Variants in NSD1 observed in about 807,000 individuals in gnomAD.
NSD1 encodes nuclear receptor binding SET domain protein 1, also known as histone-lysine N-methyltransferase, H3 lysine-36 specific.
NSD1 carries 26 observed loss-of-function variants against 242.7 expected under a neutral mutation model. The ratio of observed to expected loss-of-function variants is 0.11; its 90% CI spans 0.08 to 0.15. NSD1 has a LOEUF of 0.15. Among genes scored for constraint, NSD1 ranks in the 10% least tolerant of loss-of-function variants. The pLI is 1.00. For synonymous variants in NSD1, 1,106 were observed against 1,178.1 expected (o/e 0.94, Z 1.25); for missense variants, 2,495 against 3,272.8 (o/e 0.76, Z 5.80).
intron 9 of NSD1, among the ~76,000 whole-genome samples, chr5:177,245,090 T>A (rs910006517): frequency 6.6e-6 from 1 of 152,134 alleles, no homozygotes; most frequent in African/African-American, 2.4e-5. Flanking sequence ...GTGGTGTATT[T>A]CTGTAGTCAC....
chr5:177,253,164 A>G (rs1756145748), intron 12 of NSD1, among the ~76,000 whole-genome samples: 1 of 152,176 alleles, frequency 6.6e-6, no homozygotes, highest in Admixed American at 6.6e-5. Flanking sequence ...ATGTCTCATT[A>G]CACTAGATTG....
At chr5:177,152,473 ATTC>A (rs1268064248) in intron 2 of NSD1, among the ~76,000 whole-genome samples, 1 of 134,484 alleles carries the variant, frequency 7.4e-6, no homozygotes, top group Non-Finnish European at 1.6e-5. Context: ...GGTTCAAGCG[ATTC>A]TTTTTTTTTT....
intron 3 of NSD1, among the ~76,000 whole-genome samples, chr5:177,195,498 C>T (rs531598990): frequency 8.1e-4 from 124 of 152,180 alleles, no homozygotes; most frequent in African/African-American, 2.5e-3. Flanking sequence ...TTGAGGGTCT[C>T]GTTCTATTGC....
At chr5:177,138,532 A>G (rs962553083) in intron 2 of NSD1, among the ~76,000 whole-genome samples, 1 of 152,176 alleles carries the variant, frequency 6.6e-6, no homozygotes, top group African/African-American at 2.4e-5. Context: ...CTGGGATTAC[A>G]GGCGTGAGCC....
At chr5:177,166,804 C>T (rs1055961409) in intron 2 of NSD1, among the ~76,000 whole-genome samples, 2 of 149,460 alleles carry the variant, frequency 1.3e-5, no homozygotes, top group Admixed American at 6.7e-5. Flanking sequence ...TGTAGTGGCG[C>T]GATCTCGGCT....
In NSD1 at chr5:177,278,110, T is replaced by A. The variant is rs551374490; in HGVS notation, c.5623-2455T>A. Among the ~76,000 whole-genome samples the A allele has an allele frequency of 1.0e-3, 157 of 152,312 alleles. 1 individual carries two copies. The highest frequency in any genetic ancestry group is 3.7e-3 in the African/African-American group (155 of 41,556). On this transcript the variant is annotated intron_variant, in intron 17 of 22. Transcript: ENST00000439151. Reference sequence around the variant, plus strand: ...TCCATTAGCAAGAAGTTTCCAAACCTTACCAGTGTTTTGATGAATCTAGGA... The same window carrying A: ...TCCATTAGCAAGAAGTTTCCAAACCATACCAGTGTTTTGATGAATCTAGGA...
Position 177,288,985 on chromosome 5 carries a change from T to A in NSD1, c.6258+60T>A, listed in dbSNP as rs1276153402. On this transcript the variant is annotated intron_variant, in intron 21 of 22. Coordinates refer to ENST00000439151, the MANE Select transcript of NSD1 (RefSeq NM_022455.5). The stretch of plus-strand genomic sequence containing the variant: ...TGGTGCGGTCCTCCCTCCCTAACAG[T>A]GTTAGGGCAGTCTACATTTTAAGAA... 2.6e-6 allele frequency: 3 copies of A among 1,134,156 alleles called. No individual in the cohort carries two copies. The Admixed American group carries it at 5.1e-5, about 19-fold the overall frequency. 70.3% of individuals were successfully genotyped at this position (1,134,156 alleles called of 1,614,324 possible).
intron 17 of NSD1, among the ~76,000 whole-genome samples, chr5:177,274,549 T>C (rs1489236816): frequency 6.6e-6 from 1 of 152,194 alleles, no homozygotes; most frequent in Non-Finnish European, 1.5e-5. Flanking sequence ...TCAAATATCA[T>C]AAAACATGAA....
Position 177,294,433 on chromosome 5 carries a change from G to A in NSD1, c.7065G>A (p.Gly2355=), listed in dbSNP as rs2127281013. 6.2e-7 allele frequency: 1 copy of A among 1,614,176 alleles called. No homozygotes were observed. The highest frequency in any genetic ancestry group is 1.3e-5 in the African/African-American group (1 of 75,020). ...VRSQPLERPL[G]TADPRLDKSI... is the part of the protein sequence containing the mutation. ...CCCAACCACTGGAAAGACCTCTGGG[G>A]ACGGCTGACCCAAGGCTGGATAAAT... The change falls in exon 23 of 23, where the codon GGG becomes GGA. Residue 2355 remains glycine (G), a synonymous_variant. Coordinates refer to ENST00000439151, the MANE Select transcript of NSD1 (RefSeq NM_022455.5).
At chr5:177,224,830 A>G (rs1299555240) in intron 5 of NSD1, among the ~76,000 whole-genome samples, 2 of 151,186 alleles carry the variant, frequency 1.3e-5, no homozygotes, top group Non-Finnish European at 3.0e-5. Context: ...TTGTTATATT[A>G]CCTTTCATAT....
chr5:177,172,983 G>T (rs1007931073), intron 2 of NSD1, among the ~76,000 whole-genome samples: 36 of 111,778 alleles, frequency 3.2e-4, no homozygotes, highest in Non-Finnish European at 4.5e-4. Flanking sequence ...AAAAAAAAAA[G>T]AATATTTTGT....
chr5:177,291,689 G>T (rs927537061), intron 21 of NSD1, among the ~76,000 whole-genome samples: 1 of 152,142 alleles, frequency 6.6e-6, no homozygotes, highest in Non-Finnish European at 1.5e-5. Flanking sequence ...TAAAACTTAT[G>T]AAAGGCATGT....
intron 3 of NSD1, among the ~76,000 whole-genome samples, chr5:177,203,464 G>A (rs1186488997): frequency 6.6e-6 from 1 of 151,984 alleles, no homozygotes; most frequent in Non-Finnish European, 1.5e-5. Context: ...TTGAAATATT[G>A]CATTTCACTT....
At chr5:177,193,147 T>C (rs1456817818) in intron 3 of NSD1, among the ~76,000 whole-genome samples, 1 of 152,104 alleles carries the variant, frequency 6.6e-6, no homozygotes, top group East Asian at 1.9e-4. Context: ...ATTTTTATTT[T>C]ATTTTATTTT....
chr5:177,241,894 A>T (rs1472169045), intron 8 of NSD1, among the ~76,000 whole-genome samples: 1 of 152,232 alleles, frequency 6.6e-6, no homozygotes, highest in Non-Finnish European at 1.5e-5. Context: ...TATGTCAAAC[A>T]GAATGAGAGA....
chr5:177,148,803 T>C (rs889706847), intron 2 of NSD1, among the ~76,000 whole-genome samples: 4 of 152,162 alleles, frequency 2.6e-5, no homozygotes, highest in Non-Finnish European at 5.9e-5. Flanking sequence ...TAGCAGTATA[T>C]GAGTGATCCA....
intron 2 of NSD1, among the ~76,000 whole-genome samples, chr5:177,186,053 TATAACATATA>T (rs1425963745): frequency 9.3e-6 from 1 of 108,040 alleles, no homozygotes; most frequent in African/African-American, 4.0e-5. Flanking sequence ...TAATATATAA[TATAACATATA>T]ATATATGTTA....
intron 2 of NSD1, among the ~76,000 whole-genome samples, chr5:177,149,336 A>G (rs935212478): frequency 3.3e-5 from 5 of 151,618 alleles, no homozygotes; most frequent in South Asian, 2.1e-4. Context: ...CTCGTGCGTC[A>G]GCCTCTGGAG....
intron 17 of NSD1, among the ~76,000 whole-genome samples, chr5:177,280,285 A>G (rs1268600444): frequency 6.7e-6 from 1 of 148,620 alleles, no homozygotes; most frequent in Non-Finnish European, 1.5e-5. Flanking sequence ...CTCGTATTTT[A>G]TTTTTTTGAG....
Sources: allele counts gnomAD v4.1 joint callset (sites outside exome capture counted in the v4.1 genomes callset), GRCh38; gene constraint gnomAD v4.1.1; transcripts MANE v1.5; gene names NCBI Gene and HGNC (gene_info 2026-07-23, HGNC 2026-07-21).